The following NBAS variants were observed in gnomAD, a reference collection of about 807,000 sequenced individuals.
NBAS encodes NAG/BC035112 fusion.
In NBAS, 219 loss-of-function variants were observed where a neutral mutation model predicts 302.5. That is an observed-to-expected ratio of 0.72 (90% confidence interval 0.65 to 0.81). The LOEUF is 0.81. Among genes scored for constraint, NBAS ranks in the 30% least tolerant of loss-of-function variants. The pLI, the probability that NBAS is intolerant of heterozygous loss-of-function variation, is 0.00. For missense variants in NBAS, 2,932 were observed against 2,841.6 expected (o/e 1.03, Z -0.72); for synonymous variants, 1,118 against 1,021.6 (o/e 1.09, Z -1.80).
At chr2:15,094,650 T>C in the NBAS span, among the ~76,000 whole-genome samples, 6 of 152,144 alleles carry the variant, frequency 3.9e-5, no homozygotes, top group East Asian at 7.7e-4. Flanking sequence ...CTGAGAGCTT[T>C]TTGTGCTGAG....
At chr2:15,227,163 G>A (rs545873543) in intron 47 of NBAS, among the ~76,000 whole-genome samples, 2 of 152,202 alleles carry the variant, frequency 1.3e-5, no homozygotes, top group East Asian at 3.9e-4. Context: ...ATTTGGTCAA[G>A]CTGCAGATAT....
chr2:15,257,927 C>A (rs1374644893), intron 44 of NBAS, among the ~76,000 whole-genome samples: 1 of 152,138 alleles, frequency 6.6e-6, no homozygotes, highest in Non-Finnish European at 1.5e-5. Context: ...CACAATCTAA[C>A]AATAGTCATC....
At chr2:15,122,517 A>G in the NBAS span, among the ~76,000 whole-genome samples, 5,048 of 152,098 alleles carry the variant, frequency 0.033, 118 homozygotes, top group Non-Finnish European at 0.056. Flanking sequence ...TGATCCAATC[A>G]CCTCCCACCT....
At chr2:15,254,569 G>A (rs1482142795) in intron 44 of NBAS, among the ~76,000 whole-genome samples, 1 of 152,046 alleles carries the variant, frequency 6.6e-6, no homozygotes, top group Non-Finnish European at 1.5e-5. Flanking sequence ...AAATTCAACA[G>A]TTTTAGGGGA....
intron 32 of NBAS, 61 bp downstream of exon 32, chr2:15,366,519 G>T (rs762261138): frequency 6.9e-7 from 1 of 1,449,746 alleles, no homozygotes; most frequent in Non-Finnish European, 9.7e-7. Flanking sequence ...CTATTGTCCT[G>T]CAATGATGTC....
rs758758951 is a variant in NBAS at position 15,247,957 on chromosome 2, T to C, written c.5725-9271A>G. On this transcript the variant is annotated intron_variant, in intron 44 of 51. Coordinates refer to ENST00000281513, the MANE Select transcript of NBAS (RefSeq NM_015909.4). The stretch of plus-strand genomic sequence containing the variant: ...TCAGCTCTGGACCAAGCGGACCTAA[T>C]AGACATCTACAAAACTCTCCACCCC... 6.6e-5 allele frequency among the ~76,000 whole-genome samples: 10 copies of C among 152,208 alleles called. No homozygotes were observed. The East Asian group carries it at 1.2e-3, about 18-fold the overall frequency.
intron 35 of NBAS, among the ~76,000 whole-genome samples, chr2:15,349,203 G>A (rs1673236041): frequency 6.6e-6 from 1 of 152,142 alleles, no homozygotes; most frequent in South Asian, 2.1e-4. Flanking sequence ...AAGTTGTGGA[G>A]GGATCAGAGG....
rs748342180 is a variant in NBAS, at chr2:15,427,813, T to A, written c.2340-19A>T. The A allele has an allele frequency of 1.3e-6, 2 of 1,575,152 alleles. No homozygotes were observed. The highest frequency in any genetic ancestry group is 1.7e-6 in the Non-Finnish European group (2 of 1,150,476). ...GTTAAAACTCAAATTTAAAAAAAAA[T>A]AAGTGTTTAAAATTCACATTACCTC... On this transcript the variant is annotated intron_variant, in intron 21 of 51. Transcript: ENST00000281513.
chr2:14,872,913 T>A, the NBAS span, among the ~76,000 whole-genome samples: 2 of 152,186 alleles, frequency 1.3e-5, no homozygotes, highest in Non-Finnish European at 2.9e-5. Flanking sequence ...TCTCACTGAC[T>A]TCAGGAATGA....
chr2:14,849,950 C>A, the NBAS span, among the ~76,000 whole-genome samples: 21 of 138,108 alleles, frequency 1.5e-4, no homozygotes, highest in South Asian at 4.1e-3. Flanking sequence ...TGGAAAGGAA[C>A]AACTGGTACG....
chr2:14,805,471 G>A, the NBAS span, among the ~76,000 whole-genome samples: 1 of 152,198 alleles, frequency 6.6e-6, no homozygotes, highest in Non-Finnish European at 1.5e-5. Flanking sequence ...GTTTTAAGTA[G>A]GAAAGAAATA....
rs761523078 is a variant in NBAS at position 15,511,301 on chromosome 2, C to A, written c.796G>T (p.Ala266Ser). 3.1e-6 allele frequency: 5 copies of A among 1,613,948 alleles called. No homozygotes were observed. In the African/African-American group the frequency reaches 4.0e-5, roughly 13 times the overall value. The change falls in exon 10 of 52, where the codon GCT becomes TCT. Residue 266 changes from alanine (A) to serine (S), a missense_variant. Physicochemically the swap from Ala to Ser is moderately conservative, Grantham distance 99. Transcript: ENST00000281513. ...CETAEVGMSK[A>S]SSCGLSAWRV... ...CAGGCAGAAAGGCCACAGCTAGAAG[C>A]TTTTGACATGCCTACTTCAGCAGTT...
intron 21 of NBAS, among the ~76,000 whole-genome samples, chr2:15,439,379 T>C (rs1213008134): frequency 6.6e-6 from 1 of 151,644 alleles, no homozygotes; most frequent in Admixed American, 6.6e-5. Context: ...GGCTGCCCTG[T>C]TCCCACTAAC....
chr2:15,037,359 G>T, the NBAS span, among the ~76,000 whole-genome samples: 1 of 151,936 alleles, frequency 6.6e-6, no homozygotes, highest in Non-Finnish European at 1.5e-5. Flanking sequence ...GTCCCCACCC[G>T]CAAGGCAGGG....
At chr2:15,516,263 G>T (rs535693472) in intron 9 of NBAS, among the ~76,000 whole-genome samples, 10 of 152,042 alleles carry the variant, frequency 6.6e-5, no homozygotes, top group African/African-American at 2.4e-4. Context: ...AATGAAACTA[G>T]AAAAACACAG....
chr2:14,958,414 G>GGC, the NBAS span, among the ~76,000 whole-genome samples: 1 of 152,158 alleles, frequency 6.6e-6, no homozygotes, highest in Non-Finnish European at 1.5e-5. Context: ...AAATGCTAAG[G>GGC]GGCACTGGAG....
At chr2:14,984,966 A>G in the NBAS span, among the ~76,000 whole-genome samples, 1 of 152,150 alleles carries the variant, frequency 6.6e-6, no homozygotes, top group African/African-American at 2.4e-5. Flanking sequence ...TCCCTGTGCA[A>G]TTAGGAAGGT....
intron 12 of NBAS, among the ~76,000 whole-genome samples, chr2:15,486,001 A>T (rs1167554998): frequency 6.6e-6 from 1 of 152,204 alleles, no homozygotes; most frequent in Non-Finnish European, 1.5e-5. Flanking sequence ...AGGGTCTCAG[A>T]GGGCAGAGTC....
intron 48 of NBAS, among the ~76,000 whole-genome samples, chr2:15,194,777 G>A (rs553300621): frequency 2.6e-5 from 4 of 152,146 alleles, no homozygotes; most frequent in Non-Finnish European, 5.9e-5. Context: ...AAATATGGAG[G>A]TGAGATTTCC....
Sources: allele counts gnomAD v4.1 joint callset (sites outside exome capture counted in the v4.1 genomes callset), GRCh38; gene constraint gnomAD v4.1.1; transcripts MANE v1.5; gene names NCBI Gene and HGNC (gene_info 2026-07-23, HGNC 2026-07-21).